Variants in CSMD1 observed in about 807,000 individuals in gnomAD.
CSMD1 encodes the protein CUB and sushi domain-containing protein 1.
A neutral mutation model predicts 417.5 loss-of-function variants in CSMD1; 213 were observed. That is an observed-to-expected ratio of 0.51 (90% CI 0.46 to 0.57). The LOEUF (loss-of-function observed/expected upper bound fraction) is 0.57. CSMD1 is among the 20% of genes least tolerant of loss of function. The pLI is 0.00. For synonymous variants in CSMD1, 2,862 were observed against 1,736.8 expected (o/e 1.65, Z -16.11); for missense variants, 6,923 against 4,529.7 (o/e 1.53, Z -15.17).
intron 11 of CSMD1, among the ~76,000 whole-genome samples, chr8:3,483,853 A>T (rs1264028790): frequency 6.6e-6 from 1 of 152,194 alleles, no homozygotes; most frequent in East Asian, 1.9e-4. Context: ...AAATCAATCA[A>T]TGTCATCCAC....
chr8:4,297,336 A>G (rs1347868493), intron 3 of CSMD1, among the ~76,000 whole-genome samples: 1 of 151,986 alleles, frequency 6.6e-6, no homozygotes, highest in Non-Finnish European at 1.5e-5. Flanking sequence ...ATCCAAATCT[A>G]AAAAAACAAA....
At chr8:4,177,123 A>G (rs1798092982) in intron 3 of CSMD1, among the ~76,000 whole-genome samples, 2 of 152,214 alleles carry the variant, frequency 1.3e-5, no homozygotes, top group Non-Finnish European at 2.9e-5. Flanking sequence ...TCAACAGAAT[A>G]TACATGTTTT....
chr8:3,619,099 G>C (rs1302082382), intron 7 of CSMD1, among the ~76,000 whole-genome samples: 1 of 152,100 alleles, frequency 6.6e-6, no homozygotes, highest in African/African-American at 2.4e-5. Flanking sequence ...TCCAGGCAGA[G>C]GAATACAATA....
Position 3,667,081 on chromosome 8 carries a change from G to T in CSMD1, c.1009+41333C>A, listed in dbSNP as rs60921509. Among the ~76,000 whole-genome samples, 1,304 of 152,214 alleles carry T rather than the reference G, an allele frequency of 8.6e-3. 25 individuals carry two copies. The highest frequency in any genetic ancestry group is 0.03 in the African/African-American group (1,246 of 41,544). ...TTCATTCTCTAAATGATTATTGAGTGCTTGGTACAAGCAAGGCAATCTTGT... is the reference window on the plus strand; with the variant it reads ...TTCATTCTCTAAATGATTATTGAGTTCTTGGTACAAGCAAGGCAATCTTGT... On this transcript the variant is annotated intron_variant, in intron 7 of 69. Coordinates refer to ENST00000635120, the MANE Select transcript of CSMD1 (RefSeq NM_033225.6).
At chr8:3,899,033 C>G (rs1263422185) in intron 5 of CSMD1, among the ~76,000 whole-genome samples, 3 of 151,998 alleles carry the variant, frequency 2.0e-5, no homozygotes, top group African/African-American at 7.3e-5. Flanking sequence ...TCGTACGCGT[C>G]CAGGAAAAGA....
At chr8:4,544,083 A>G (rs1017487847) in intron 2 of CSMD1, among the ~76,000 whole-genome samples, 5 of 152,046 alleles carry the variant, frequency 3.3e-5, no homozygotes, top group Non-Finnish European at 7.4e-5. Flanking sequence ...CTTGCCTTTT[A>G]TTCTTTTAAC....
At chr8:4,477,931 G>A (rs879641974) in intron 2 of CSMD1, among the ~76,000 whole-genome samples, 8 of 152,142 alleles carry the variant, frequency 5.3e-5, no homozygotes, top group Admixed American at 1.3e-4. Context: ...TTTGCCTGGC[G>A]CATGATAGCT....
intron 3 of CSMD1, among the ~76,000 whole-genome samples, chr8:4,356,634 C>G (rs1172908107): frequency 6.6e-6 from 1 of 152,134 alleles, no homozygotes; most frequent in South Asian, 2.1e-4. Flanking sequence ...CTGCTTTATT[C>G]TGGTCCTGCG....
At chr8:4,287,462 A>G (rs1189686879) in intron 3 of CSMD1, among the ~76,000 whole-genome samples, 1 of 152,136 alleles carries the variant, frequency 6.6e-6, no homozygotes, top group African/African-American at 2.4e-5. Context: ...TAATATTAGA[A>G]ATGACAAGCC....
At chr8:4,824,290 G>A (rs1373267259) in intron 1 of CSMD1, among the ~76,000 whole-genome samples, 2 of 152,012 alleles carry the variant, frequency 1.3e-5, no homozygotes, top group Non-Finnish European at 2.9e-5. Flanking sequence ...TTTTTCTTGG[G>A]TACGTATCAA....
chr8:4,754,420 C>A (rs1250101755), intron 1 of CSMD1, among the ~76,000 whole-genome samples: 1 of 152,130 alleles, frequency 6.6e-6, no homozygotes, highest in Non-Finnish European at 1.5e-5. Flanking sequence ...GGGTCACATA[C>A]AAATAAGTAG....
intron 7 of CSMD1, among the ~76,000 whole-genome samples, chr8:3,677,910 A>G (rs1563263839): frequency 1.3e-5 from 2 of 152,158 alleles, no homozygotes; most frequent in African/African-American, 4.8e-5. Context: ...TCCCACTAAT[A>G]GAGCTGTTTG....
chr8:4,106,830 T>A (rs1026932320), intron 3 of CSMD1, among the ~76,000 whole-genome samples: 21 of 152,088 alleles, frequency 1.4e-4, no homozygotes, highest in African/African-American at 5.1e-4. Flanking sequence ...GCACACACTA[T>A]CCGAAGTCAG....
intron 5 of CSMD1, among the ~76,000 whole-genome samples, chr8:3,937,171 C>G (rs1051316438): frequency 2.6e-5 from 4 of 152,144 alleles, no homozygotes; most frequent in Non-Finnish European, 5.9e-5. Flanking sequence ...ATGAAATCTA[C>G]TCCTGGTGAA....
chr8:4,971,399 ACT>A lies in CSMD1; in HGVS notation c.85+22931_85+22932del, dbSNP rs1336568262. On this transcript the variant is annotated intron_variant, in intron 1 of 69. Coordinates refer to ENST00000635120, the MANE Select transcript of CSMD1 (RefSeq NM_033225.6). ...ACTTATAAAGAAATGTTTAGAAGAA[ACT>A]CTTTTCTCTAACACTACAATAATTC... Among the ~76,000 whole-genome samples the A allele has an allele frequency of 4.6e-5, 7 of 152,168 alleles. No homozygotes were observed. The East Asian group carries it at 1.4e-3, about 29-fold the overall frequency.
chr8:4,258,361 GGGAA>G (rs1803613616), intron 3 of CSMD1, among the ~76,000 whole-genome samples: 1 of 32,102 alleles, frequency 3.1e-5, no homozygotes, highest in Non-Finnish European at 6.1e-5. Flanking sequence ...AAGAGAAGGA[GGGAA>G]GGAGGGAGGG....
At chr8:4,365,318 C>T (rs1350774693) in intron 3 of CSMD1, among the ~76,000 whole-genome samples, 1 of 152,148 alleles carries the variant, frequency 6.6e-6, no homozygotes. Flanking sequence ...ATTCTGAAAA[C>T]TGTACAACTA....
At chr8:3,543,923 T>A (rs1257525365) in intron 10 of CSMD1, among the ~76,000 whole-genome samples, 1 of 152,098 alleles carries the variant, frequency 6.6e-6, no homozygotes, top group African/African-American at 2.4e-5. Flanking sequence ...ACTCCAGTGT[T>A]TACAGGAAGA....
intron 5 of CSMD1, among the ~76,000 whole-genome samples, chr8:3,934,100 T>C (rs181079065): frequency 3.3e-5 from 5 of 152,296 alleles, no homozygotes; most frequent in African/African-American, 4.8e-5. Flanking sequence ...AGGAATGTTT[T>C]TGAAAACTAA....
Sources: gnomAD v4.1 joint callset for allele counts (sites outside exome capture counted in the v4.1 genomes callset) on GRCh38, gnomAD v4.1.1 for gene constraint, MANE v1.5 for transcripts, NCBI Gene and HGNC (gene_info 2026-07-23, HGNC 2026-07-21) for gene names.